SLC45A4: variants seen among roughly 807,000 people sequenced by gnomAD.
The protein encoded by SLC45A4 is solute carrier family 45 member 4, also known as polyamine-transporter SLC45A4.
Under a neutral mutation model 63.7 loss-of-function variants are expected in SLC45A4, and 32 were observed. The ratio of observed to expected loss-of-function variants is 0.50; its 90% CI spans 0.38 to 0.67. SLC45A4 has a LOEUF of 0.67. SLC45A4 is among the 30% of genes least tolerant of loss of function. SLC45A4 has a pLI of 0.00. For synonymous variants in SLC45A4, 535 were observed against 510.0 expected, an observed-to-expected ratio of 1.05 and a Z score of -0.66; for missense variants, 1,027 against 1,157.7, an observed-to-expected ratio of 0.89 and a Z score of 1.64.
At chr8:141,286,735 C>A (rs1234590619) in intron 1 of SLC45A4, among the ~76,000 whole-genome samples, 1 of 136,214 alleles carries the variant, frequency 7.3e-6, no homozygotes, top group Admixed American at 7.3e-5. Context: ...CAGCAGCCCC[C>A]CCGCCCCCCC....
intron 2 of SLC45A4, among the ~76,000 whole-genome samples, chr8:141,244,123 T>C (rs1828050762): frequency 6.6e-6 from 1 of 152,144 alleles, no homozygotes; most frequent in Non-Finnish European, 1.5e-5. Context: ...TGCGCCCCTA[T>C]TCTTCATGGT....
At chr8:141,275,607 C>G (rs1426566725) in intron 1 of SLC45A4, among the ~76,000 whole-genome samples, 1 of 149,196 alleles carries the variant, frequency 6.7e-6, no homozygotes, top group African/African-American at 2.5e-5. Context: ...AGACCCCTGT[C>G]TCAAAAAAAA....
At chr8:141,244,086 C>T (rs1828047281) in intron 2 of SLC45A4, among the ~76,000 whole-genome samples, 1 of 152,174 alleles carries the variant, frequency 6.6e-6, no homozygotes, top group Non-Finnish European at 1.5e-5. Flanking sequence ...CAACTGCCCT[C>T]CCAATCAACT....
intron 1 of SLC45A4, among the ~76,000 whole-genome samples, chr8:141,264,194 C>T (rs1278946097): frequency 6.6e-6 from 1 of 152,168 alleles, no homozygotes; most frequent in African/African-American, 2.4e-5. Context: ...TATGTGGGTC[C>T]GTGTGAGGCC....
chr8:141,307,674 A>G (rs900292146), intron 1 of SLC45A4, among the ~76,000 whole-genome samples: 35 of 152,074 alleles, frequency 2.3e-4, no homozygotes, highest in Admixed American at 1.2e-3. Context: ...TAGAAGGACA[A>G]GACAGGGTCA....
chr8:141,300,102 G>GA (rs1218827892), intron 1 of SLC45A4, among the ~76,000 whole-genome samples: 4 of 152,166 alleles, frequency 2.6e-5, no homozygotes, highest in Non-Finnish European at 5.9e-5. Context: ...CTGCATGGCC[G>GA]AATTGGAAGT....
intron 4 of SLC45A4, 33 bp downstream of exon 4, chr8:141,219,617 C>A: frequency 3.8e-6 from 6 of 1,575,752 alleles, no homozygotes; most frequent in Non-Finnish European, 4.3e-6. Flanking sequence ...CACGTTGGAA[C>A]CCGGCCACCC....
chr8:141,225,457 G>C (rs1050613741), intron 2 of SLC45A4: 1 of 152,314 alleles, frequency 6.6e-6, no homozygotes, highest in East Asian at 1.9e-4. Flanking sequence ...AGAAACCCAG[G>C]CATTCCCTCT....
At chr8:141,237,511 TC>T (rs1215706786) in intron 2 of SLC45A4, among the ~76,000 whole-genome samples, 5 of 152,166 alleles carry the variant, frequency 3.3e-5, no homozygotes, top group African/African-American at 1.2e-4. Flanking sequence ...TCTGCCCTGT[TC>T]CCCTGTACTC....
chr8:141,220,149 G>A (rs889036363), intron 3 of SLC45A4, among the ~76,000 whole-genome samples: 3 of 152,220 alleles, frequency 2.0e-5, no homozygotes, highest in Admixed American at 6.5e-5. Context: ...ATCAGAGGAC[G>A]GCTGCTGTGC....
intron 3 of SLC45A4, among the ~76,000 whole-genome samples, chr8:141,221,174 G>A (rs1327083652): frequency 6.6e-6 from 1 of 152,256 alleles, no homozygotes; most frequent in African/African-American, 2.4e-5. Context: ...CCCACACAGA[G>A]TTGCTTTAAT....
intron 2 of SLC45A4, among the ~76,000 whole-genome samples, chr8:141,235,602 G>A (rs1265078459): frequency 6.6e-6 from 1 of 152,222 alleles, no homozygotes; most frequent in Non-Finnish European, 1.5e-5. Flanking sequence ...ATGGGGAACT[G>A]TTTCAGAGCT....
At chr8:141,303,921 C>G (rs567560048) in intron 1 of SLC45A4, among the ~76,000 whole-genome samples, 1 of 152,194 alleles carries the variant, frequency 6.6e-6, no homozygotes, top group Non-Finnish European at 1.5e-5. Flanking sequence ...TGAAAGGTTA[C>G]GCAAATCCCT....
At chr8:141,246,329 T>C (rs1382573844) in intron 2 of SLC45A4, among the ~76,000 whole-genome samples, 1 of 152,184 alleles carries the variant, frequency 6.6e-6, no homozygotes, top group African/African-American at 2.4e-5. Context: ...ACATACCTCC[T>C]GCGGCCGGGA....
intron 2 of SLC45A4, among the ~76,000 whole-genome samples, chr8:141,241,736 C>A (rs1229990614): frequency 6.6e-6 from 1 of 152,154 alleles, no homozygotes; most frequent in Non-Finnish European, 1.5e-5. Flanking sequence ...GGCACCCCCA[C>A]TGCCTCCAAG....
At chr8:141,245,849 A>C (rs1003151260) in intron 2 of SLC45A4, among the ~76,000 whole-genome samples, 6 of 152,202 alleles carry the variant, frequency 3.9e-5, no homozygotes, top group African/African-American at 1.4e-4. Flanking sequence ...AGGATGGTGC[A>C]GGCTGAATTG....
chr8:141,302,779 C>CT (rs1476792285), intron 1 of SLC45A4, among the ~76,000 whole-genome samples: 1 of 152,298 alleles, frequency 6.6e-6, no homozygotes, highest in East Asian at 1.9e-4. Context: ...CGCCTCGTGT[C>CT]TAACATGCTC....
intron 1 of SLC45A4, among the ~76,000 whole-genome samples, chr8:141,271,369 G>A (rs1829513987): frequency 6.6e-6 from 1 of 152,208 alleles, no homozygotes; most frequent in Non-Finnish European, 1.5e-5. Context: ...ATCTGCAAAG[G>A]CAAACCTCAG....
chr8:141,297,075 T>TC lies in SLC45A4; in HGVS notation c.-401+11020dup, dbSNP rs552088937. On this transcript the variant is annotated intron_variant, in intron 1 of 8. Transcript: ENST00000517878. ...AGTCTGACCACCCTAAGTTACTGAG[T>TC]CCCCCCCAGGTTTGCCACACTGAAC... Among the ~76,000 whole-genome samples, 976 of 151,764 alleles carry TC rather than the reference T, an allele frequency of 6.4e-3. 11 individuals carry two copies. Among genetic ancestry groups the TC allele is most frequent in the African/African-American group, 0.021 (858 of 41,308 alleles).
Sources: allele counts gnomAD v4.1 joint callset (sites outside exome capture counted in the v4.1 genomes callset), GRCh38; gene constraint gnomAD v4.1.1; transcripts MANE v1.5; gene names NCBI Gene and HGNC (gene_info 2026-07-23, HGNC 2026-07-21).